NCKAP5: variants seen among roughly 807,000 people sequenced by gnomAD.
NCKAP5 encodes the protein nck-associated protein 5.
In NCKAP5, 92 loss-of-function variants were observed where a neutral mutation model predicts 167.0. The ratio of observed to expected loss-of-function variants is 0.55; its 90% confidence interval spans 0.47 to 0.66. The LOEUF (loss-of-function observed/expected upper bound fraction) is 0.66, where lower values mean the gene tolerates loss of function less well. Among genes scored for constraint, NCKAP5 ranks in the 30% least tolerant of loss-of-function variants. The probability of loss-of-function intolerance (pLI) is 0.00; values close to 1 mark genes in which losing one functional copy is unlikely to be tolerated. For synonymous variants in NCKAP5, 891 were observed against 877.4 expected, an observed-to-expected ratio of 1.02 and a Z score of -0.27; for missense variants, 2,378 against 2,315.0, an observed-to-expected ratio of 1.03 and a Z score of -0.56.
intron 1 of NCKAP5, among the ~76,000 whole-genome samples, chr2:133,567,371 C>T (rs560854704): frequency 5.9e-5 from 9 of 151,942 alleles, no homozygotes; most frequent in Non-Finnish European, 8.8e-5. Context: ...TCCAGGCTGG[C>T]GGCATACATG....
chr2:133,562,095 T>G (rs1250343816), intron 1 of NCKAP5, among the ~76,000 whole-genome samples: 1 of 151,740 alleles, frequency 6.6e-6, no homozygotes, highest in African/African-American at 2.4e-5. Flanking sequence ...AGTAGTACTT[T>G]GACATACACA....
At chr2:133,570,696 A>C (rs1447472355), upstream of NCKAP5, among the ~76,000 whole-genome samples, 1 of 152,196 alleles carries the variant, frequency 6.6e-6, no homozygotes, top group Non-Finnish European at 1.5e-5. Context: ...GACAAGTGTG[A>C]GCCGCTTCGG....
At chr2:133,251,381 T>C (rs2088318169) in intron 4 of NCKAP5, among the ~76,000 whole-genome samples, 1 of 152,118 alleles carries the variant, frequency 6.6e-6, no homozygotes. Context: ...GACAAATTTT[T>C]TTTTTACCCA....
chr2:132,795,821 A>G (rs1335927512), intron 12 of NCKAP5, among the ~76,000 whole-genome samples: 2 of 34,502 alleles, frequency 5.8e-5, no homozygotes, highest in Non-Finnish European at 9.0e-5. Flanking sequence ...CCCGTATCAG[A>G]AAAAAAAAAA....
chr2:133,627,056 A>G, the NCKAP5 span, among the ~76,000 whole-genome samples: 19 of 152,198 alleles, frequency 1.2e-4, no homozygotes, highest in Middle Eastern at 0.011. Context: ...CCATCTTAAA[A>G]TCAATAAAAT....
intron 3 of NCKAP5, among the ~76,000 whole-genome samples, chr2:133,466,584 T>TA (rs1371519002): frequency 3.3e-5 from 5 of 152,178 alleles, no homozygotes; most frequent in Non-Finnish European, 7.3e-5. Context: ...GCATTGAATC[T>TA]AAAAATTACC....
At chr2:133,372,479 A>G (rs981646240) in intron 3 of NCKAP5, among the ~76,000 whole-genome samples, 1 of 152,222 alleles carries the variant, frequency 6.6e-6, no homozygotes, top group Admixed American at 6.5e-5. Flanking sequence ...CTGCAAGTCC[A>G]TTCCAAATCC....
the NCKAP5 span, among the ~76,000 whole-genome samples, chr2:133,587,674 T>A: frequency 6.6e-6 from 1 of 152,106 alleles, no homozygotes; most frequent in African/African-American, 2.4e-5. Context: ...GAGGATGAGG[T>A]TTACTTGGCA....
chr2:133,142,020 G>A (rs1245462751), intron 5 of NCKAP5, among the ~76,000 whole-genome samples: 2 of 152,138 alleles, frequency 1.3e-5, no homozygotes, highest in African/African-American at 2.4e-5. Flanking sequence ...GAAATTGAAA[G>A]CACCAAATAT....
chr2:133,332,002 T>C (rs996385528), intron 3 of NCKAP5, among the ~76,000 whole-genome samples: 2 of 152,120 alleles, frequency 1.3e-5, no homozygotes, highest in Non-Finnish European at 2.9e-5. Flanking sequence ...TATGTTTAGC[T>C]CACATGTGTG....
intron 2 of NCKAP5, among the ~76,000 whole-genome samples, chr2:133,531,750 ATCTC>A (rs1685381242): frequency 6.6e-6 from 1 of 152,172 alleles, no homozygotes; most frequent in African/African-American, 2.4e-5. Context: ...ACATTCTTGA[ATCTC>A]TATAGTGCTT....
intron 12 of NCKAP5, among the ~76,000 whole-genome samples, chr2:132,793,720 G>A (rs11901057): frequency 0.022 from 3,394 of 152,282 alleles, 124 homozygotes; most frequent in African/African-American, 0.078. Flanking sequence ...CAGCAGGCAC[G>A]TAAGTTAAGG....
the NCKAP5 span, among the ~76,000 whole-genome samples, chr2:133,666,186 C>CTT: frequency 3.3e-3 from 375 of 114,140 alleles, 3 homozygotes; most frequent in Middle Eastern, 6.9e-3. Flanking sequence ...GATCTACATC[C>CTT]TTTTTTTTTT....
intron 5 of NCKAP5, among the ~76,000 whole-genome samples, chr2:133,195,372 A>G (rs904795274): frequency 1.7e-5 from 2 of 119,672 alleles, no homozygotes; most frequent in Non-Finnish European, 3.5e-5. Context: ...AGACGAAATC[A>G]GAATCATTTG....
chr2:132,781,896 G>A, intron 14 of NCKAP5, 44 bp downstream of exon 14: 1 of 1,542,336 alleles, frequency 6.5e-7, no homozygotes, highest in Non-Finnish European at 8.8e-7. Context: ...TAAAGGTGGT[G>A]GAGGGACCCC....
chr2:132,678,292 C>T lies in NCKAP5; in HGVS notation c.5714-4987G>A, dbSNP rs575318661. On this transcript the variant is annotated intron_variant, in intron 19 of 19. Transcript: ENST00000409261. ...TGAAATAGTGCAATCAATTATTGTT[C>T]TATGATAAATGCTACTCTTTCATTA... Among the ~76,000 whole-genome samples, 11 of 152,252 alleles carry T rather than the reference C, an allele frequency of 7.2e-5. No individual in the cohort carries two copies. In the South Asian group the frequency reaches 1.0e-3, roughly 14 times the overall value.
the NCKAP5 span, among the ~76,000 whole-genome samples, chr2:133,609,605 C>A: frequency 6.6e-6 from 1 of 152,104 alleles, no homozygotes; most frequent in African/African-American, 2.4e-5. Context: ...CAAAGTTGAG[C>A]TTGTGGCCAG....
At chr2:133,503,650 C>A (rs562164543) in intron 3 of NCKAP5, among the ~76,000 whole-genome samples, 1 of 152,312 alleles carries the variant, frequency 6.6e-6, no homozygotes, top group African/African-American at 2.4e-5. Context: ...CCACTACACC[C>A]AATTTTCCAA....
intron 3 of NCKAP5, among the ~76,000 whole-genome samples, chr2:133,406,759 G>T (rs1426331302): frequency 6.6e-6 from 1 of 152,190 alleles, no homozygotes. Context: ...CACAGACTCA[G>T]CCAGACACTG....
Sources: allele counts gnomAD v4.1 joint callset (sites outside exome capture counted in the v4.1 genomes callset), GRCh38; gene constraint gnomAD v4.1.1; transcripts MANE v1.5; gene names NCBI Gene and HGNC (gene_info 2026-07-23, HGNC 2026-07-21).